FUT8: variants seen among roughly 807,000 people sequenced by gnomAD.
FUT8 encodes fucosyltransferase 8.
A neutral mutation model predicts 71.3 loss-of-function variants in FUT8; 29 were observed. That is an observed-to-expected ratio of 0.41 (90% confidence interval 0.30 to 0.55). The LOEUF (loss-of-function observed/expected upper bound fraction) is 0.55, where lower values mean the gene tolerates loss of function less well. FUT8 is among the 20% of genes least tolerant of loss of function. The probability of loss-of-function intolerance (pLI) is 0.34; values close to 1 mark genes in which losing one functional copy is unlikely to be tolerated. For synonymous variants in FUT8, 254 were observed against 239.3 expected (o/e 1.06, Z -0.57); for missense variants, 544 against 702.1 (o/e 0.77, Z 2.55).
upstream of FUT8, among the ~76,000 whole-genome samples, chr14:65,410,038 C>A (rs2065106414): frequency 6.6e-6 from 1 of 152,130 alleles, no homozygotes; most frequent in Non-Finnish European, 1.5e-5. Context: ...AGGGTGGGAC[C>A]TGCAGCTTGT....
chr14:65,586,326 A>G (rs757674162), intron 3 of FUT8, among the ~76,000 whole-genome samples: 2 of 152,244 alleles, frequency 1.3e-5, no homozygotes, highest in Non-Finnish European at 2.9e-5. Context: ...TCTGAAATAA[A>G]GAAAATGTGA....
chr14:65,723,067 A>C (rs767101512), intron 8 of FUT8, among the ~76,000 whole-genome samples: 5 of 151,798 alleles, frequency 3.3e-5, no homozygotes, highest in Non-Finnish European at 7.4e-5. Context: ...TAATCACAAC[A>C]CTGGGAGGCT....
At chr14:65,675,266 G>A (rs1164750896) in intron 7 of FUT8, among the ~76,000 whole-genome samples, 1 of 152,176 alleles carries the variant, frequency 6.6e-6, no homozygotes, top group Non-Finnish European at 1.5e-5. Flanking sequence ...TTATTTTCGT[G>A]TTTATCCTGT....
At chr14:65,376,899 G>A in the FUT8 span, among the ~76,000 whole-genome samples, 1 of 152,192 alleles carries the variant, frequency 6.6e-6, no homozygotes, top group Admixed American at 6.5e-5. Flanking sequence ...AGAGTTTCAC[G>A]TGAGGGATAG....
At position 65,742,459 on chromosome 14, in the gene FUT8, G is replaced by C. The variant is rs1351028686; in HGVS notation, c.*49G>C. 10 of 1,536,286 alleles carry C rather than the reference G, an allele frequency of 6.5e-6. No individual in the cohort carries two copies. In the African/African-American group the frequency reaches 1.1e-4, roughly 17 times the overall value. On this transcript the variant is annotated 3_prime_UTR_variant, in exon 11 of 11. Transcript: ENST00000673929. ...ACCAAACTCAGTTCGACCAAACTCAGTTCAAACCATTTCAGCCAAACTGTA... is the reference window on the plus strand; with the variant it reads ...ACCAAACTCAGTTCGACCAAACTCACTTCAAACCATTTCAGCCAAACTGTA...
intron 2 of FUT8, among the ~76,000 whole-genome samples, chr14:65,557,862 T>A (rs72714491): frequency 0.064 from 9,799 of 152,272 alleles, 394 homozygotes; most frequent in Admixed American, 0.087. Context: ...ATGTAATTTT[T>A]AAATATTTTT....
intron 1 of FUT8, among the ~76,000 whole-genome samples, chr14:65,427,413 A>G (rs771617813): frequency 2.6e-5 from 4 of 152,152 alleles, no homozygotes; most frequent in Non-Finnish European, 4.4e-5. Context: ...TCCCACCAAC[A>G]GTGTACAAGA....
intron 1 of FUT8, among the ~76,000 whole-genome samples, chr14:65,452,417 G>C (rs1331410906): frequency 6.6e-6 from 1 of 152,156 alleles, no homozygotes; most frequent in Non-Finnish European, 1.5e-5. Context: ...AACAAATTAG[G>C]CGAGATCATG....
chr14:65,418,642 A>G (rs2065251930), intron 1 of FUT8, among the ~76,000 whole-genome samples: 1 of 152,198 alleles, frequency 6.6e-6, no homozygotes, highest in Non-Finnish European at 1.5e-5. Context: ...AGAGAGGAGC[A>G]TACTGGTTGA....
intron 6 of FUT8, among the ~76,000 whole-genome samples, chr14:65,642,420 T>C (rs993871181): frequency 6.6e-6 from 1 of 151,988 alleles, no homozygotes; most frequent in African/African-American, 2.4e-5. Context: ...CTGGCCAACA[T>C]GGTAAAACTC....
chr14:65,402,009 G>T, the FUT8 span, among the ~76,000 whole-genome samples: 2 of 151,726 alleles, frequency 1.3e-5, no homozygotes, highest in African/African-American at 4.8e-5. Context: ...CTTTTTAGGT[G>T]CCTCAGTATC....
intron 3 of FUT8, among the ~76,000 whole-genome samples, chr14:65,576,060 C>A (rs1886760085): frequency 6.6e-6 from 1 of 152,118 alleles, no homozygotes; most frequent in African/African-American, 2.4e-5. Context: ...TGACTTTCTC[C>A]TCACTACAAA....
intron 1 of FUT8, among the ~76,000 whole-genome samples, chr14:65,425,728 A>G (rs1418233544): frequency 6.6e-6 from 1 of 152,026 alleles, no homozygotes; most frequent in Non-Finnish European, 1.5e-5. Context: ...CTGTAATCCC[A>G]ACACTTTGGG....
At chr14:65,612,618 A>T (rs1044021184) in intron 3 of FUT8, among the ~76,000 whole-genome samples, 3 of 151,684 alleles carry the variant, frequency 2.0e-5, no homozygotes, top group African/African-American at 7.3e-5. Flanking sequence ...GTCTTTTTAG[A>T]CTCTTAGCTC....
rs1248317233 is a variant in FUT8, at chr14:65,439,968, A to G, written c.-325-15653A>G. Among the ~76,000 whole-genome samples, 136 of 131,516 alleles carry G rather than the reference A, an allele frequency of 1.0e-3. 6 individuals carry two copies. The highest frequency in any genetic ancestry group is 2.0e-3 in the South Asian group (8 of 4,084). 86.3% of individuals were successfully genotyped at this position (131,516 alleles called of 152,430 possible). A position where few individuals can be genotyped will look rare whatever the true frequency, so the allele number is the denominator to read the frequency against. ...TGTGTGTGTGTGTATATATATATAT[A>G]TATATATATATATATATATATATGT... On this transcript the variant is annotated intron_variant, in intron 1 of 10. Coordinates refer to ENST00000673929, the MANE Select transcript of FUT8 (RefSeq NM_001371533.1).
At chr14:65,677,151 T>TGTGTGCGCGCGC in intron 7 of FUT8, among the ~76,000 whole-genome samples, 28 of 110,732 alleles carry the variant, frequency 2.5e-4, no homozygotes, top group Middle Eastern at 5.0e-3. Context: ...TGTGTGTGTG[T>TGTGTGCGCGCGC]GCGCGCGCGC....
the FUT8 span, among the ~76,000 whole-genome samples, chr14:65,373,420 G>A: frequency 6.6e-6 from 1 of 151,820 alleles, no homozygotes; most frequent in Non-Finnish European, 1.5e-5. Context: ...AGAGAAGAAA[G>A]GAAGCGTCTG....
the FUT8 span, among the ~76,000 whole-genome samples, chr14:65,371,459 A>G: frequency 6.6e-6 from 1 of 152,230 alleles, no homozygotes; most frequent in Non-Finnish European, 1.5e-5. Flanking sequence ...ATCCTCCTTC[A>G]GTCTAGAAGA....
intron 2 of FUT8, among the ~76,000 whole-genome samples, chr14:65,554,112 TCTC>T (rs937240656): frequency 3.3e-5 from 5 of 152,088 alleles, no homozygotes; most frequent in Non-Finnish European, 1.5e-5. Flanking sequence ...ATCTGTTTCT[TCTC>T]TTTGCGTTTC....
Sources: gnomAD v4.1 joint callset for allele counts (sites outside exome capture counted in the v4.1 genomes callset) on GRCh38, gnomAD v4.1.1 for gene constraint, MANE v1.5 for transcripts, NCBI Gene and HGNC (gene_info 2026-07-23, HGNC 2026-07-21) for gene names.